The following CFAP54 variants were observed in gnomAD, a reference collection of about 807,000 sequenced individuals.
The protein encoded by CFAP54 is cilia- and flagella-associated protein 54.
A neutral mutation model predicts 370.4 loss-of-function variants in CFAP54; 290 were observed. That is an observed-to-expected ratio of 0.78 (90% CI 0.71 to 0.86). CFAP54 has a LOEUF of 0.86. CFAP54 is among the 40% of genes least tolerant of loss of function. The pLI is 0.00. For synonymous variants in CFAP54, 1,206 were observed against 1,236.5 expected (o/e 0.98, Z 0.52); for missense variants, 3,399 against 3,528.7 (o/e 0.96, Z 0.93).
At chr12:96,621,351 T>C (rs1191712566) in intron 26 of CFAP54, among the ~76,000 whole-genome samples, 2 of 152,178 alleles carry the variant, frequency 1.3e-5, no homozygotes, top group Non-Finnish European at 2.9e-5. Context: ...TATGGGAAGT[T>C]TGTTATTGAT....
chr12:96,553,638 A>G (rs1281952961), intron 15 of CFAP54, among the ~76,000 whole-genome samples: 1 of 150,446 alleles, frequency 6.6e-6, no homozygotes. Context: ...AATATGGAAA[A>G]TTTGAAAGTT....
chr12:96,702,731 T>C (rs1957504869), intron 46 of CFAP54, among the ~76,000 whole-genome samples: 1 of 152,338 alleles, frequency 6.6e-6, no homozygotes, highest in Non-Finnish European at 1.5e-5. Flanking sequence ...CAGTTGGGAA[T>C]TTCAAAAGTG....
At chr12:96,538,068 G>A (rs1263423880) in intron 12 of CFAP54, among the ~76,000 whole-genome samples, 1 of 147,654 alleles carries the variant, frequency 6.8e-6, no homozygotes, top group African/African-American at 2.5e-5. Flanking sequence ...ACTCCAGCCT[G>A]AGTGACAGAG....
At chr12:96,766,728 G>A (rs1367149822) in intron 60 of CFAP54, among the ~76,000 whole-genome samples, 2 of 152,072 alleles carry the variant, frequency 1.3e-5, no homozygotes, top group African/African-American at 2.4e-5. Context: ...TTCCAATATG[G>A]CTATTTCTTC....
rs1291611419 is a variant in CFAP54, at chr12:96,757,574, C to T, written c.8026C>T (p.Pro2676Ser). The part of the protein sequence containing the change: ...KKPKIKISGS[P>S]LTLKPPLRRS... ...GCCAAAGATAAAAATTTCAGGATCA[C>T]CATTAACACTTAAGGTAAGAGTCTA... The change falls in exon 58 of 68, where the codon CCA becomes TCA. Residue 2676 changes from proline (P) to serine (S), a missense_variant. By Grantham distance (74) the Pro-to-Ser change is moderately conservative (BLOSUM62 -1). Transcript: ENST00000524981. 4.4e-6 allele frequency: 7 copies of T among 1,579,916 alleles called. No homozygotes were observed. The highest frequency in any genetic ancestry group is 6.1e-6 in the Non-Finnish European group (7 of 1,154,506).
Position 96,743,863 on chromosome 12 carries a change from G to T in CFAP54, c.7510G>T (p.Gly2504Ter). Residue 2504 changes from glycine (G) to a stop codon, truncating the protein, a stop_gained, in exon 54 of 68, where the codon GGA (glycine) becomes TGA (stop). Transcript: ENST00000524981. LOFTEE classifies it high-confidence loss of function. ...KFKESPSSKTGKLNLLTRAHS... is the reference protein window; with the variant it reads ...KFKESPSSKT The stretch of plus-strand genomic sequence containing the variant: ...CAAGGAATCTCCCTCTTCAAAAACA[G>T]GAAAATTAAATTTGTTAACTCGGGC... 6.2e-7 allele frequency: 1 copy of T among 1,613,658 alleles called. No individual in the cohort carries two copies. The highest frequency in any genetic ancestry group is 8.5e-7 in the Non-Finnish European group (1 of 1,179,850).
rs187800331 is a variant in CFAP54, at chr12:96,691,287, C to A, written c.6241C>A (p.His2081Asn). The A allele has an allele frequency of 3.8e-6, 6 of 1,594,778 alleles. No homozygotes were observed. The Admixed American group carries it at 5.5e-5, about 15-fold the overall frequency. The change falls in exon 44 of 68, where the codon CAC becomes AAC. Residue 2081 changes from histidine to asparagine, a missense_variant. Physicochemically the swap from His to Asn is moderately conservative, Grantham distance 68. This residue lies in a region of CFAP54 where 2,796 missense variants were observed against 2,869.7 expected (regional missense o/e 0.97). Coordinates refer to ENST00000524981, the MANE Select transcript of CFAP54 (RefSeq NM_001306084.2). ...ASLYYIIREL[H>N]FVRQNLIVLP... ...TCTGTATTACATTATACGTGAACTG[C>A]ACTTTGTTAGGCAAAACCTAATAGT...
At chr12:96,766,739 T>C (rs2136673840) in intron 60 of CFAP54, among the ~76,000 whole-genome samples, 1 of 152,334 alleles carries the variant, frequency 6.6e-6, no homozygotes, top group East Asian at 1.9e-4. Flanking sequence ...CTATTTCTTC[T>C]TCATACTGCC....
At chr12:96,682,564 TAG>T (rs1172835514) in intron 40 of CFAP54, among the ~76,000 whole-genome samples, 1 of 151,938 alleles carries the variant, frequency 6.6e-6, no homozygotes, top group African/African-American at 2.4e-5. Context: ...TTTGTAGAGA[TAG>T]AGTTTTGCCA....
At chr12:96,792,600 T>G in intron 63 of CFAP54, 101 bp downstream of exon 63, 1 of 833,366 alleles carries the variant, frequency 1.2e-6, no homozygotes, top group East Asian at 2.7e-5. Flanking sequence ...ATCATATAGA[T>G]GAGAACAGGT....
At chr12:96,861,376 A>G (rs190018824) in intron 67 of CFAP54, among the ~76,000 whole-genome samples, 52 of 152,334 alleles carry the variant, frequency 3.4e-4, no homozygotes, top group African/African-American at 1.2e-3. Context: ...TAAACATCCT[A>G]CAAGGCACAA....
At chr12:96,626,572 C>A (rs1347435101) in intron 29 of CFAP54, among the ~76,000 whole-genome samples, 1 of 152,074 alleles carries the variant, frequency 6.6e-6, no homozygotes, top group Non-Finnish European at 1.5e-5. Context: ...TTAATGAAAT[C>A]TTTCTCAATG....
chr12:96,682,379 T>A (rs1219751033), intron 40 of CFAP54: 1 of 944,938 alleles, frequency 1.1e-6, no homozygotes, highest in African/African-American at 1.8e-5. Flanking sequence ...TAAATTTTTT[T>A]TTTTTTGAGA....
In CFAP54 at chr12:96,635,357, T is replaced by A. The variant is rs531008306; in HGVS notation, c.4316+4706T>A. On this transcript the variant is annotated intron_variant, in intron 32 of 67. Transcript: ENST00000524981. ...CTTTTTCATTGATTTTTTTCTTCTT[T>A]AATATGATCGTGCGATAAACTACAT... 5.9e-5 allele frequency among the ~76,000 whole-genome samples: 9 copies of A among 152,326 alleles called. No individual in the cohort carries two copies. In the East Asian group the frequency reaches 1.7e-3, roughly 29 times the overall value.
chr12:96,642,603 T>C (rs1227050675), intron 32 of CFAP54, among the ~76,000 whole-genome samples: 1 of 152,206 alleles, frequency 6.6e-6, no homozygotes, highest in Non-Finnish European at 1.5e-5. Flanking sequence ...TTGTAACTCT[T>C]TTCCCTAATG....
chr12:96,522,328 A>C (rs1415202338), intron 8 of CFAP54, 139 bp downstream of exon 8: 4 of 570,882 alleles, frequency 7.0e-6, no homozygotes, highest in South Asian at 5.7e-5. Flanking sequence ...TAGAGAGAAG[A>C]ATGTTTTTCT....
Position 96,565,509 on chromosome 12 carries a change from A to C in CFAP54, c.2619+744A>C, listed in dbSNP as rs1435101527. Among the ~76,000 whole-genome samples, 3 of 152,266 alleles carry C rather than the reference A, an allele frequency of 2.0e-5. No individual in the cohort carries two copies. The South Asian group carries it at 6.2e-4, about 32-fold the overall frequency. Reference sequence around the variant, plus strand: ...CTATGTCTTGGCTGATAAGAGAAGGAAAAAAGTAGGTCAAAGCTAGGAGGG... The same window carrying C: ...CTATGTCTTGGCTGATAAGAGAAGGCAAAAAGTAGGTCAAAGCTAGGAGGG... On this transcript the variant is annotated intron_variant, in intron 19 of 67. Transcript: ENST00000524981.
At chr12:96,729,473 C>T (rs961866015) in intron 50 of CFAP54, among the ~76,000 whole-genome samples, 9 of 152,204 alleles carry the variant, frequency 5.9e-5, no homozygotes, top group Non-Finnish European at 1.0e-4. Context: ...TGGGCGTGGG[C>T]GTAGGACCCT....
intron 46 of CFAP54, among the ~76,000 whole-genome samples, chr12:96,701,267 C>T (rs969163148): frequency 2.6e-5 from 4 of 152,052 alleles, no homozygotes; most frequent in African/African-American, 9.7e-5. Context: ...CTGTTTTGCT[C>T]ATTTTCTGTG....
Sources: gnomAD v4.1 joint callset for allele counts (sites outside exome capture counted in the v4.1 genomes callset) on GRCh38, gnomAD v4.1.1 for gene constraint, gnomAD v4.1.1 regional missense constraint, MANE v1.5 for transcripts, NCBI Gene and HGNC (gene_info 2026-07-23, HGNC 2026-07-21) for gene names.